The following TMEM114 variants were observed in gnomAD, a reference collection of about 807,000 sequenced individuals.
TMEM114 encodes the protein transmembrane protein 114.
TMEM114 carries 6 observed loss-of-function variants against 6.2 expected under a neutral mutation model. The observed-to-expected ratio is 0.97, with a 90% confidence interval of 0.53 to 1.91. The LOEUF (loss-of-function observed/expected upper bound fraction) is 1.91. TMEM114 is among the 40% of genes most tolerant of loss of function. The pLI is 0.01. For missense variants in TMEM114, 218 were observed against 158.3 expected (o/e 1.38, Z -2.02); for synonymous variants, 104 against 73.0 (o/e 1.42, Z -2.16).
intron 2 of TMEM114, among the ~76,000 whole-genome samples, chr16:8,552,196 A>T (rs4438286): frequency 0.097 from 14,745 of 151,330 alleles, 815 homozygotes; most frequent in Middle Eastern, 0.19. Context: ...GCAACACAGC[A>T]AGACCCTATC....
At chr16:8,570,128 G>A (rs1901683307) in intron 3 of TMEM114, 123 bp from the exon 4 acceptor site, 2 of 1,324,314 alleles carry the variant, frequency 1.5e-6, no homozygotes, top group Non-Finnish European at 2.0e-6. Context: ...TCCTGCTGCG[G>A]GACCTTTGCG....
At chr16:8,535,847 G>T (rs1252912524), downstream of TMEM114, among the ~76,000 whole-genome samples, 1 of 152,188 alleles carries the variant, frequency 6.6e-6, no homozygotes, top group Admixed American at 6.5e-5. Context: ...CAATACCCAT[G>T]TTTTAGCCCC....
At chr16:8,587,172 A>T (rs1902345747) in intron 2 of TMEM114, among the ~76,000 whole-genome samples, 1 of 152,036 alleles carries the variant, frequency 6.6e-6, no homozygotes, top group Non-Finnish European at 1.5e-5. Flanking sequence ...ATTTCCCAGC[A>T]TGCCTCTGGA....
intron 2 of TMEM114, among the ~76,000 whole-genome samples, chr16:8,550,967 C>A (rs1900825239): frequency 6.6e-6 from 1 of 152,194 alleles, no homozygotes; most frequent in Admixed American, 6.5e-5. Context: ...ACTTGATTTG[C>A]AGAACTACAA....
chr16:8,531,785 T>G, the TMEM114 span: 3 of 152,196 alleles, frequency 2.0e-5, no homozygotes, highest in Admixed American at 6.5e-5. Context: ...AACCGAATAG[T>G]CCATGAGAAA....
the TMEM114 span, among the ~76,000 whole-genome samples, chr16:8,529,222 C>G: frequency 6.6e-6 from 1 of 152,162 alleles, no homozygotes; most frequent in Admixed American, 6.5e-5. Flanking sequence ...TCTCTCTTAT[C>G]ACTAGCTTTC....
Position 8,548,443 on chromosome 16 carries a change from T to C in TMEM114, n.213-10617A>G, listed in dbSNP as rs564924378. ...TACAGCATGGCTTTACAACCTTTTATTATTATTACCTCCCTGATGAGTCTT... is the reference window on the plus strand; with the variant it reads ...TACAGCATGGCTTTACAACCTTTTACTATTATTACCTCCCTGATGAGTCTT... On this transcript the variant is annotated intron_variant and non_coding_transcript_variant, in intron 2 of 2. Transcript: ENST00000623677. Among the ~76,000 whole-genome samples the C allele has an allele frequency of 2.0e-5, 3 of 152,274 alleles. No individual in the cohort carries two copies. In the East Asian group the frequency reaches 5.8e-4, roughly 29 times the overall value.
chr16:8,576,741 AG>A (rs1901947550), intron 2 of TMEM114, among the ~76,000 whole-genome samples: 1 of 150,774 alleles, frequency 6.6e-6, no homozygotes, highest in Non-Finnish European at 1.5e-5. Flanking sequence ...GAAGGAAGGA[AG>A]GAAGGAAGGA....
At chr16:8,536,094 G>A (rs139172178), downstream of TMEM114, among the ~76,000 whole-genome samples, 1,492 of 152,046 alleles carry the variant, frequency 9.8e-3, 8 homozygotes, top group Non-Finnish European at 0.016. Flanking sequence ...GTGTGGTGAC[G>A]TGCACCTGTA....
the TMEM114 span, chr16:8,532,148 G>A: frequency 6.6e-6 from 1 of 152,162 alleles, no homozygotes; most frequent in East Asian, 1.9e-4. Flanking sequence ...TTGATTTGAT[G>A]GGTTTTAATT....
intron 2 of TMEM114, among the ~76,000 whole-genome samples, chr16:8,582,764 C>T (rs192310452): frequency 6.2e-4 from 94 of 152,296 alleles, no homozygotes; most frequent in African/African-American, 2.1e-3. Context: ...GTGGTGCACA[C>T]CTGTGGTCCC....
At chr16:8,573,157 T>C (rs1901793012) in intron 2 of TMEM114, among the ~76,000 whole-genome samples, 1 of 152,142 alleles carries the variant, frequency 6.6e-6, no homozygotes, top group South Asian at 2.1e-4. Context: ...GCAGGGACTG[T>C]GTGGATGAAG....
chr16:8,549,693 C>A (rs989976740), intron 2 of TMEM114, among the ~76,000 whole-genome samples: 1 of 151,850 alleles, frequency 6.6e-6, no homozygotes, highest in Non-Finnish European at 1.5e-5. Flanking sequence ...TTTTTGTATG[C>A]GGGGTTCTGT....
downstream of TMEM114, among the ~76,000 whole-genome samples, chr16:8,568,093 C>A (rs1490165096): frequency 6.6e-6 from 1 of 152,142 alleles, no homozygotes; most frequent in Non-Finnish European, 1.5e-5. Context: ...CTCCCAGTTG[C>A]GTCCCTTTCT....
chr16:8,527,420 C>A, the TMEM114 span, among the ~76,000 whole-genome samples: 2 of 152,172 alleles, frequency 1.3e-5, no homozygotes, highest in Non-Finnish European at 2.9e-5. Context: ...CACTGTTTAT[C>A]TGAACCTCAG....
chr16:8,584,922 CA>C (rs905674847), intron 2 of TMEM114, among the ~76,000 whole-genome samples: 1,219 of 49,214 alleles, frequency 0.025, 7 homozygotes, highest in African/African-American at 0.073. Context: ...AACGCCGTCT[CA>C]AAAAAAAAAA....
downstream of TMEM114, among the ~76,000 whole-genome samples, chr16:8,568,066 G>C (rs1481844350): frequency 3.9e-5 from 6 of 152,116 alleles, no homozygotes; most frequent in African/African-American, 1.4e-4. Flanking sequence ...CTTGGGATCA[G>C]GCAGTTCTGA....
chr16:8,557,328 C>T (rs189028371), intron 2 of TMEM114, among the ~76,000 whole-genome samples: 1 of 152,216 alleles, frequency 6.6e-6, no homozygotes, highest in Admixed American at 6.5e-5. Context: ...TCCCAAAAGC[C>T]CTGATACTAC....
the TMEM114 span, among the ~76,000 whole-genome samples, chr16:8,532,363 G>A: frequency 6.6e-6 from 1 of 152,050 alleles, no homozygotes; most frequent in Non-Finnish European, 1.5e-5. Context: ...GGGAAGTTTG[G>A]ATGTCGTGAT....
Sources: allele counts gnomAD v4.1 joint callset (sites outside exome capture counted in the v4.1 genomes callset), GRCh38; gene constraint gnomAD v4.1.1; transcripts MANE v1.5; gene names NCBI Gene and HGNC (gene_info 2026-07-23, HGNC 2026-07-21).